Variants in CTSH observed in about 807,000 individuals in gnomAD.
CTSH encodes the protein pro-cathepsin H.
Under a neutral mutation model 56.3 loss-of-function variants are expected in CTSH, and 52 were observed. The observed-to-expected ratio is 0.92, with a 90% confidence interval of 0.74 to 1.16. The LOEUF (loss-of-function observed/expected upper bound fraction) is 1.16. Ranked by LOEUF, CTSH falls within the 50% of genes most tolerant of loss-of-function variation. The pLI, the probability that CTSH is intolerant of heterozygous loss-of-function variation, is 0.00. For missense variants in CTSH, 406 were observed against 424.5 expected (o/e 0.96, Z 0.38); for synonymous variants, 174 against 155.7 (o/e 1.12, Z -0.88).
At chr15:78,923,897 A>G (rs1312176460) in intron 10 of CTSH, among the ~76,000 whole-genome samples, 1 of 151,994 alleles carries the variant, frequency 6.6e-6, no homozygotes, top group Non-Finnish European at 1.5e-5. Flanking sequence ...TCAGGTGTGA[A>G]TTCAGCTGAT....
At chr15:78,944,602 A>C (rs1368977735) in intron 1 of CTSH, 2 of 342,146 alleles carry the variant, frequency 5.8e-6, no homozygotes, top group African/African-American at 2.1e-5. Context: ...GGAAGGCGGA[A>C]GGAGCTGCGG....
chr15:78,932,085 T>A (rs1262048860), intron 6 of CTSH: 3 of 1,263,202 alleles, frequency 2.4e-6, no homozygotes, highest in Non-Finnish European at 3.0e-6. Context: ...CCAGGCAGGC[T>A]CCGCCTTTCT....
intron 9 of CTSH, chr15:78,927,495 A>G: frequency 1.8e-6 from 1 of 554,308 alleles, no homozygotes; most frequent in Non-Finnish European, 3.2e-6. Flanking sequence ...GTGGATCTGG[A>G]GTTCAGAACC....
At chr15:78,940,379 T>A (rs1369984581) in intron 1 of CTSH, among the ~76,000 whole-genome samples, 1 of 151,042 alleles carries the variant, frequency 6.6e-6, no homozygotes, top group Non-Finnish European at 1.5e-5. Flanking sequence ...AGCCTAGGAG[T>A]TTGGGACCAG....
rs947879703 is a variant in CTSH at position 78,945,038 on chromosome 15, G to C, written c.-57C>G. The C allele has an allele frequency of 5.1e-6, 7 of 1,374,518 alleles. No homozygotes were observed. The African/African-American group carries it at 9.8e-5, about 19-fold the overall frequency. The allele number at this position is 1,374,518 out of a possible 1,614,324, so 85.1% of individuals were successfully genotyped here. A position where few individuals can be genotyped will look rare whatever the true frequency, so the allele number is the denominator to read the frequency against. ...GGGTCCGCGGAGGTGGCGGCCCAGA[G>C]CGTCAACTGGGAGCGCGGGGGGGGA... On this transcript the variant is annotated 5_prime_UTR_variant, in exon 1 of 12. Transcript: ENST00000220166.
At position 78,935,718 on chromosome 15, in the gene CTSH, C is replaced by G. The variant is rs535787671; in HGVS notation, c.262G>C (p.Ala88Pro). 59 of 1,611,212 alleles carry G rather than the reference C, an allele frequency of 3.7e-5. 1 individual carries two copies. The South Asian group carries it at 6.4e-4, about 17-fold the overall frequency. The change falls in exon 4 of 12, where the codon GCT becomes CCT. Residue 88 changes from alanine to proline, a missense_variant. By Grantham distance (27) the Ala-to-Pro change is conservative (BLOSUM62 -1). Transcript: ENST00000220166. ...CAGAGATACTTGTGTTTTATTTCAG[C>G]AAAGCTCATGTCTGAAAATTGGTTC... ...ALNQFSDMSF[A>P]EIKHKYLWSE...
rs770279433 is a variant in CTSH at position 78,923,121 on chromosome 15, G to A, written c.807-3C>T. The A allele has an allele frequency of 1.9e-6, 3 of 1,612,092 alleles. No homozygotes were observed. The highest frequency in any genetic ancestry group is 1.7e-4 in the Middle Eastern group (1 of 6,052). ...CTGGAGTTTTATGGCAGGAAGTACT[G>A]GAAAACAAAATTCAAAAAGAGGTGA... On this transcript the variant is annotated splice_region_variant and splice_polypyrimidine_tract_variant and intron_variant, in intron 10 of 11. Coordinates refer to ENST00000220166, the MANE Select transcript of CTSH (RefSeq NM_004390.5).
intron 5 of CTSH, 62 bp downstream of exon 5, chr15:78,934,916 C>T (rs1555445722): frequency 2.8e-6 from 3 of 1,061,140 alleles, no homozygotes; most frequent in South Asian, 2.5e-5. Context: ...GTTGTTCTTC[C>T]TGGTGTATTG....
At chr15:78,937,667 G>A (rs2055205062) in intron 2 of CTSH, 2 of 1,390,844 alleles carry the variant, frequency 1.4e-6, no homozygotes, top group African/African-American at 1.4e-5. Flanking sequence ...TGTGGTCCAA[G>A]AGGCACTGGT....
intron 5 of CTSH, among the ~76,000 whole-genome samples, chr15:78,934,436 G>T (rs1055223606): frequency 3.3e-5 from 5 of 152,180 alleles, no homozygotes; most frequent in African/African-American, 9.7e-5. Flanking sequence ...GTGCTGAGAT[G>T]CCCCCAGACT....
Position 78,922,087 on chromosome 15 carries a change from G to A in CTSH, c.*43C>T, listed in dbSNP as rs12549. 33,111 of 1,535,680 alleles carry A rather than the reference G, an allele frequency of 0.022. 439 individuals carry two copies. The highest frequency in any genetic ancestry group is 0.025 in the Non-Finnish European group (28,583 of 1,134,768). On this transcript the variant is annotated 3_prime_UTR_variant, in exon 12 of 12. Coordinates refer to ENST00000220166, the MANE Select transcript of CTSH (RefSeq NM_004390.5). ...ATTTCCACCCAGGCCCAGGCTGCCCGTTCCTCTCCTTCTCCGCCAGTCTGC... is the reference window on the plus strand; with the variant it reads ...ATTTCCACCCAGGCCCAGGCTGCCCATTCCTCTCCTTCTCCGCCAGTCTGC...
chr15:78,922,761 T>G lies in CTSH; in HGVS notation c.932+232A>C, dbSNP rs148657424. On this transcript the variant is annotated intron_variant, in intron 11 of 11. Transcript: ENST00000220166. ...AGCAGTCCTTCTGAGCCAGCTGGCC[T>G]CCTGCTCTCCCTGCAGCGTCCTAAA... Among the ~76,000 whole-genome samples the G allele has an allele frequency of 9.1e-3, 1,388 of 152,336 alleles. 25 individuals are homozygous for G. Among genetic ancestry groups the G allele is most frequent in the African/African-American group, 0.029 (1,206 of 41,578 alleles).
chr15:78,938,304 G>C (rs1473750570), intron 2 of CTSH, among the ~76,000 whole-genome samples: 1 of 152,144 alleles, frequency 6.6e-6, no homozygotes, highest in East Asian at 1.9e-4. Flanking sequence ...AGAAGGTGGA[G>C]GTTGCAGTGA....
intron 8 of CTSH, among the ~76,000 whole-genome samples, chr15:78,928,865 G>A (rs1470576851): frequency 6.6e-6 from 1 of 152,168 alleles, no homozygotes; most frequent in Non-Finnish European, 1.5e-5. Flanking sequence ...CAGGACTGTG[G>A]ACACCTGGGA....
intron 2 of CTSH, chr15:78,937,632 C>T: frequency 7.1e-7 from 1 of 1,403,710 alleles, no homozygotes; most frequent in Non-Finnish European, 9.3e-7. Context: ...AGAATGAAGA[C>T]CATGCAGCTG....
intron 4 of CTSH, 60 bp downstream of exon 4, chr15:78,935,620 A>G (rs1442296419): frequency 3.4e-6 from 5 of 1,464,158 alleles, no homozygotes; most frequent in South Asian, 1.2e-5. Context: ...GCAGGCTCCA[A>G]ATTTATTCCA....
At chr15:78,941,966 G>T (rs938311039) in intron 1 of CTSH, among the ~76,000 whole-genome samples, 1 of 152,054 alleles carries the variant, frequency 6.6e-6, no homozygotes, top group Non-Finnish European at 1.5e-5. Context: ...GTACTCTACT[G>T]CCCATCCCCC....
chr15:78,931,682 A>G, intron 6 of CTSH, 176 bp from the exon 7 acceptor site: 1 of 1,469,196 alleles, frequency 6.8e-7, no homozygotes, highest in East Asian at 2.5e-5. Flanking sequence ...CTGCAGTGCC[A>G]GCCCAGCAGC....
chr15:78,939,208 C>T (rs767392065), intron 1 of CTSH, 37 bp from the exon 2 acceptor site: 2 of 1,553,958 alleles, frequency 1.3e-6, no homozygotes, highest in Non-Finnish European at 1.8e-6. Flanking sequence ...CTGGGCGCAT[C>T]ACAGTAATGT....
Sources: allele counts gnomAD v4.1 joint callset (sites outside exome capture counted in the v4.1 genomes callset), GRCh38; gene constraint gnomAD v4.1.1; transcripts MANE v1.5; gene names NCBI Gene and HGNC (gene_info 2026-07-23, HGNC 2026-07-21).